The following LRMDA variants were observed in gnomAD, a reference collection of about 807,000 sequenced individuals.
LRMDA encodes the protein leucine-rich melanocyte differentiation-associated protein.
LRMDA carries 18 observed loss-of-function variants against 29.8 expected under a neutral mutation model. The ratio of observed to expected loss-of-function variants is 0.60; its 90% CI spans 0.42 to 0.90. LRMDA has a LOEUF of 0.90. Among genes scored for constraint, LRMDA ranks in the 40% least tolerant of loss-of-function variants. LRMDA has a pLI of 0.00. For missense variants in LRMDA, 273 were observed against 273.9 expected (o/e 1.00, Z 0.02); for synonymous variants, 125 against 109.4 (o/e 1.14, Z -0.89).
At chr10:75,985,963 G>C (rs1022163130) in intron 2 of LRMDA, among the ~76,000 whole-genome samples, 3 of 152,214 alleles carry the variant, frequency 2.0e-5, no homozygotes, top group Admixed American at 2.0e-4. Context: ...TGGTAGAAAG[G>C]CTCTTGTATC....
At chr10:75,910,976 C>A (rs1375368934) in intron 2 of LRMDA, among the ~76,000 whole-genome samples, 1 of 152,098 alleles carries the variant, frequency 6.6e-6, no homozygotes, top group Admixed American at 6.6e-5. Context: ...CTGGCATGAA[C>A]AATCACCCTC....
intron 2 of LRMDA, among the ~76,000 whole-genome samples, chr10:75,565,963 T>G (rs1212505540): frequency 1.3e-5 from 2 of 152,158 alleles, no homozygotes; most frequent in Non-Finnish European, 2.9e-5. Flanking sequence ...TGGTCCCGGC[T>G]TCTTGGGAGG....
chr10:76,174,399 A>G (rs2132197595), intron 5 of LRMDA, among the ~76,000 whole-genome samples: 1 of 152,322 alleles, frequency 6.6e-6, no homozygotes. Context: ...ATTTTTTTGT[A>G]AGTCAGATTC....
intron 2 of LRMDA, among the ~76,000 whole-genome samples, chr10:75,830,608 C>G (rs1353659429): frequency 6.6e-6 from 1 of 152,182 alleles, no homozygotes; most frequent in Non-Finnish European, 1.5e-5. Context: ...GGCCCATTCA[C>G]TATCATGAGA....
At chr10:76,311,386 A>C (rs554926195) in intron 5 of LRMDA, among the ~76,000 whole-genome samples, 1 of 152,316 alleles carries the variant, frequency 6.6e-6, no homozygotes, top group African/African-American at 2.4e-5. Context: ...TAAGGCCATT[A>C]AGGCTGCACT....
At chr10:76,017,882 G>C (rs1003520260) in intron 2 of LRMDA, among the ~76,000 whole-genome samples, 1 of 152,170 alleles carries the variant, frequency 6.6e-6, no homozygotes, top group African/African-American at 2.4e-5. Flanking sequence ...CAACCTGCTT[G>C]ATATGTTTGC....
chr10:76,157,106 T>A lies in LRMDA; in HGVS notation c.516+98323T>A, dbSNP rs553801127. ...TAAATCCTACATGGGGAAGACTAGG[T>A]TGAAAGGGGAGTTAGTTGCTAAGTC... On this transcript the variant is annotated intron_variant, in intron 5 of 6. Coordinates refer to ENST00000611255, the MANE Select transcript of LRMDA (RefSeq NM_001305581.2). Among the ~76,000 whole-genome samples, 14 of 152,124 alleles carry A rather than the reference T, an allele frequency of 9.2e-5. No individual in the cohort carries two copies. The Middle Eastern group carries it at 0.014, about 148-fold the overall frequency.
At position 76,132,746 on chromosome 10, in the gene LRMDA, T is replaced by C. The variant is rs1195402973; in HGVS notation, c.516+73963T>C. Among the ~76,000 whole-genome samples the C allele has an allele frequency of 2.0e-5, 3 of 152,160 alleles. No individual in the cohort carries two copies. In the East Asian group the frequency reaches 5.8e-4, roughly 30 times the overall value. ...CTGGAGTCCACTAGAGAGTGAAACT[T>C]ACAGAGTCTTGACCATTCATCATTC... On this transcript the variant is annotated intron_variant, in intron 5 of 6. Coordinates refer to ENST00000611255, the MANE Select transcript of LRMDA (RefSeq NM_001305581.2).
At chr10:75,951,282 G>C (rs77642974) in intron 2 of LRMDA, among the ~76,000 whole-genome samples, 4,884 of 152,280 alleles carry the variant, frequency 0.032, 278 homozygotes, top group African/African-American at 0.11. Context: ...AGAGCTAAGC[G>C]AGTGGTGGTG....
chr10:76,269,563 G>A (rs938061320), intron 5 of LRMDA, among the ~76,000 whole-genome samples: 1 of 152,100 alleles, frequency 6.6e-6, no homozygotes, highest in African/African-American at 2.4e-5. Context: ...CTATATGTAT[G>A]TATGTTTTGA....
intron 2 of LRMDA, among the ~76,000 whole-genome samples, chr10:75,636,762 A>G (rs1236654781): frequency 4.0e-5 from 6 of 151,890 alleles, no homozygotes; most frequent in Admixed American, 3.9e-4. Context: ...CAGTTTAGCT[A>G]CTCTTAAGAA....
intron 5 of LRMDA, among the ~76,000 whole-genome samples, chr10:76,306,670 A>G (rs956207367): frequency 1.1e-4 from 16 of 152,220 alleles, no homozygotes; most frequent in African/African-American, 3.6e-4. Context: ...TAATGGGGAA[A>G]TGCTTTTGGA....
At chr10:76,302,875 T>G (rs752899217) in intron 5 of LRMDA, among the ~76,000 whole-genome samples, 2 of 152,200 alleles carry the variant, frequency 1.3e-5, no homozygotes, top group Admixed American at 6.5e-5. Flanking sequence ...TATAGACAGT[T>G]TGTTAAAAGG....
chr10:75,947,897 G>A (rs935552488), intron 2 of LRMDA, among the ~76,000 whole-genome samples: 7 of 152,102 alleles, frequency 4.6e-5, no homozygotes, highest in African/African-American at 9.7e-5. Context: ...GTTCTTGCTC[G>A]ATTATTGGAT....
At chr10:76,281,368 G>C (rs1325177833) in intron 5 of LRMDA, among the ~76,000 whole-genome samples, 1 of 152,226 alleles carries the variant, frequency 6.6e-6, no homozygotes, top group East Asian at 1.9e-4. Flanking sequence ...ATAGGGAACA[G>C]TGAAATTGTT....
chr10:76,457,474 A>G (rs1842468357), intron 6 of LRMDA, among the ~76,000 whole-genome samples: 1 of 151,664 alleles, frequency 6.6e-6, no homozygotes, highest in African/African-American at 2.4e-5. Context: ...ATGTCTTTCC[A>G]ATGGTCTATT....
In LRMDA at chr10:75,479,363, C is replaced by T. The variant is rs192655667; in HGVS notation, c.131+40869C>T. On this transcript the variant is annotated intron_variant, in intron 2 of 6. Coordinates refer to ENST00000611255, the MANE Select transcript of LRMDA (RefSeq NM_001305581.2). The stretch of plus-strand genomic sequence containing the variant: ...TGTACTAAAAATACAAAAAATTAGC[C>T]GGGCGTGGTCACAGGCGCCTGTAGT... 3.4e-3 allele frequency among the ~76,000 whole-genome samples: 520 copies of T among 152,062 alleles called. 2 individuals are homozygous for T. Among genetic ancestry groups the T allele is most frequent in the African/African-American group, 0.012 (491 of 41,488 alleles).
chr10:75,760,489 A>G (rs1273772859), intron 2 of LRMDA, among the ~76,000 whole-genome samples: 2 of 152,182 alleles, frequency 1.3e-5, no homozygotes, highest in Non-Finnish European at 2.9e-5. Flanking sequence ...TTGAAATTGA[A>G]TTTAATGTGT....
At chr10:75,581,664 C>G (rs1840593362) in intron 2 of LRMDA, among the ~76,000 whole-genome samples, 1 of 151,950 alleles carries the variant, frequency 6.6e-6, no homozygotes, top group South Asian at 2.1e-4. Flanking sequence ...TGGAAACCAT[C>G]ATTCTCAGCG....
Sources: allele counts gnomAD v4.1 joint callset (sites outside exome capture counted in the v4.1 genomes callset), GRCh38; gene constraint gnomAD v4.1.1; transcripts MANE v1.5; gene names NCBI Gene and HGNC (gene_info 2026-07-23, HGNC 2026-07-21).